Variants in TTC28 observed in about 807,000 individuals in gnomAD.
TTC28 encodes the protein tetratricopeptide repeat domain 28.
A neutral mutation model predicts 198.0 loss-of-function variants in TTC28; 61 were observed. The observed-to-expected ratio is 0.31, with a 90% CI of 0.25 to 0.38. TTC28 has a LOEUF of 0.38. Ranked by LOEUF, TTC28 falls within the 10% of genes least tolerant of loss-of-function variation. TTC28 has a pLI of 1.00. For synonymous variants in TTC28, 1,171 were observed against 1,297.8 expected, an observed-to-expected ratio of 0.90 and a Z score of 2.10; for missense variants, 2,678 against 3,164.0, an observed-to-expected ratio of 0.85 and a Z score of 3.69.
intron 6 of TTC28, among the ~76,000 whole-genome samples, chr22:28,136,802 C>T (rs1313872122): frequency 6.6e-6 from 1 of 152,158 alleles, no homozygotes; most frequent in Non-Finnish European, 1.5e-5. Context: ...ACTTTAGTGG[C>T]CATGGCAGGT....
intron 6 of TTC28, among the ~76,000 whole-genome samples, chr22:28,116,647 A>C (rs1473661358): frequency 1.3e-5 from 2 of 152,236 alleles, no homozygotes; most frequent in Admixed American, 1.3e-4. Flanking sequence ...GGAATGTTAC[A>C]AGGAGTTAGC....
chr22:28,164,910 A>T (rs1022333140), intron 5 of TTC28, among the ~76,000 whole-genome samples: 2 of 152,200 alleles, frequency 1.3e-5, no homozygotes, highest in Non-Finnish European at 2.9e-5. Context: ...AACCCATGGC[A>T]AAGAAGTTAA....
At chr22:28,132,284 A>G (rs1943078109) in intron 6 of TTC28, among the ~76,000 whole-genome samples, 1 of 152,182 alleles carries the variant, frequency 6.6e-6, no homozygotes, top group Admixed American at 6.5e-5. Context: ...AATAAGACAA[A>G]TCTTTTGATA....
Position 28,276,978 on chromosome 22 carries a change from A to G in TTC28, c.933+19220T>C, listed in dbSNP as rs542728731. Among the ~76,000 whole-genome samples, 19 of 152,242 alleles carry G rather than the reference A, an allele frequency of 1.2e-4. No homozygotes were observed. In the East Asian group the frequency reaches 3.7e-3, roughly 29 times the overall value. ...TTGATTTGCCTAGGCAAGCCTCCTA[A>G]AAAATAGTTAAAAAGTAAAATTTAG... On this transcript the variant is annotated intron_variant, in intron 5 of 22. Coordinates refer to ENST00000397906, the MANE Select transcript of TTC28 (RefSeq NM_001145418.2).
chr22:28,609,989 T>C (rs1195514602), intron 2 of TTC28, among the ~76,000 whole-genome samples: 1 of 152,114 alleles, frequency 6.6e-6, no homozygotes, highest in South Asian at 2.1e-4. Context: ...AAACTCGGTA[T>C]AGCCCACCAC....
chr22:28,642,883 AC>A (rs1439377562), intron 1 of TTC28: 6 of 152,214 alleles, frequency 3.9e-5, no homozygotes, highest in African/African-American at 9.6e-5. Context: ...TGTATTAGCC[AC>A]AGTGCAAGTG....
chr22:28,661,843 G>T (rs2051754155), intron 1 of TTC28, among the ~76,000 whole-genome samples: 1 of 152,084 alleles, frequency 6.6e-6, no homozygotes. Flanking sequence ...CTGACCTCAG[G>T]TGATCCACCT....
At chr22:28,353,287 G>A (rs562392670) in intron 2 of TTC28, among the ~76,000 whole-genome samples, 1 of 152,140 alleles carries the variant, frequency 6.6e-6, no homozygotes, top group African/African-American at 2.4e-5. Context: ...TTTTCAAGCT[G>A]TTATTTTTAA....
chr22:28,377,239 A>G (rs931787707), intron 2 of TTC28, among the ~76,000 whole-genome samples: 1 of 150,842 alleles, frequency 6.6e-6, no homozygotes, highest in Admixed American at 6.6e-5. Flanking sequence ...TGGGACTAGG[A>G]CATAATATAT....
At chr22:27,992,872 C>G in intron 18 of TTC28, 3 of 603,514 alleles carry the variant, frequency 5.0e-6, no homozygotes, top group Non-Finnish European at 8.8e-6. Context: ...GAGTCCTGAC[C>G]CTGCCGCAGT....
chr22:28,204,761 TATTA>T (rs751217723), intron 5 of TTC28, among the ~76,000 whole-genome samples: 4 of 152,114 alleles, frequency 2.6e-5, no homozygotes, highest in Non-Finnish European at 4.4e-5. Context: ...CCATTTGGGA[TATTA>T]ATTATGATAA....
At chr22:28,037,483 A>G (rs1280689258) in intron 12 of TTC28, among the ~76,000 whole-genome samples, 2 of 152,050 alleles carry the variant, frequency 1.3e-5, no homozygotes. Flanking sequence ...CATGCTAAAA[A>G]CTCTCAATAA....
chr22:28,580,274 T>C (rs1020737504), intron 2 of TTC28, among the ~76,000 whole-genome samples: 1 of 152,220 alleles, frequency 6.6e-6, no homozygotes, highest in African/African-American at 2.4e-5. Flanking sequence ...CTTATTAAGG[T>C]ACCATACCAT....
chr22:28,528,022 A>G (rs2049043333), intron 2 of TTC28, among the ~76,000 whole-genome samples: 1 of 152,186 alleles, frequency 6.6e-6, no homozygotes, highest in Admixed American at 6.5e-5. Flanking sequence ...CCATCATGGG[A>G]GGCCCCACCT....
chr22:28,589,241 T>C (rs531154165), intron 2 of TTC28, among the ~76,000 whole-genome samples: 1 of 152,324 alleles, frequency 6.6e-6, no homozygotes, highest in South Asian at 2.1e-4. Context: ...AAATAAAATT[T>C]AGAGGAGCCC....
At position 28,022,358 on chromosome 22, in the gene TTC28, C is replaced by A. The variant is rs137888127; in HGVS notation, c.4073+7868G>T. Among the ~76,000 whole-genome samples, 394 of 152,374 alleles carry A rather than the reference C, an allele frequency of 2.6e-3. 1 individual carries two copies. Among genetic ancestry groups the A allele is most frequent in the African/African-American group, 8.9e-3 (372 of 41,594 alleles). On this transcript the variant is annotated intron_variant, in intron 13 of 22. Transcript: ENST00000397906. ...CATTCAAGGTGTGGCTGCCATTTCT[C>A]AGCCCGTCATTTCTCTTCTGATCAG... is the stretch of plus-strand genomic sequence containing the variant.
intron 2 of TTC28, among the ~76,000 whole-genome samples, chr22:28,328,597 T>C (rs1472164204): frequency 6.6e-6 from 1 of 151,062 alleles, no homozygotes; most frequent in Non-Finnish European, 1.5e-5. Flanking sequence ...CTACTAAAAA[T>C]ACAAAAATTA....
intron 2 of TTC28, among the ~76,000 whole-genome samples, chr22:28,413,757 A>T (rs1254464029): frequency 1.3e-5 from 2 of 151,896 alleles, no homozygotes; most frequent in Admixed American, 1.3e-4. Context: ...GTTAAAAAAA[A>T]GGTGGTAACT....
At chr22:28,530,533 C>T (rs1601521955) in intron 2 of TTC28, among the ~76,000 whole-genome samples, 1 of 152,156 alleles carries the variant, frequency 6.6e-6, no homozygotes, top group Non-Finnish European at 1.5e-5. Context: ...GGCAGGCCAA[C>T]ATTCAAATTC....
Sources: allele counts gnomAD v4.1 joint callset (sites outside exome capture counted in the v4.1 genomes callset), GRCh38; gene constraint gnomAD v4.1.1; transcripts MANE v1.5; gene names NCBI Gene and HGNC (gene_info 2026-07-23, HGNC 2026-07-21).